ADAM9: variants seen among roughly 807,000 people sequenced by gnomAD.
The protein encoded by ADAM9 is ADAM metallopeptidase domain 9.
In ADAM9, 54 loss-of-function variants were observed where a neutral mutation model predicts 108.1. That is an observed-to-expected ratio of 0.50 (90% CI 0.40 to 0.63). ADAM9 has a LOEUF of 0.63. ADAM9 is among the 20% of genes least tolerant of loss of function. The pLI, the probability that ADAM9 is intolerant of heterozygous loss-of-function variation, is 0.00. For missense variants in ADAM9, 830 were observed against 997.7 expected, an observed-to-expected ratio of 0.83 and a Z score of 2.26; for synonymous variants, 316 against 336.0, an observed-to-expected ratio of 0.94 and a Z score of 0.65.
intron 18 of ADAM9, among the ~76,000 whole-genome samples, chr8:39,083,675 T>A (rs1839092513): frequency 6.6e-6 from 1 of 152,238 alleles, no homozygotes; most frequent in South Asian, 2.1e-4. Context: ...TAAATCTAAA[T>A]TATCATTTCC....
At chr8:39,082,257 A>G (rs1285821682) in intron 16 of ADAM9, among the ~76,000 whole-genome samples, 1 of 152,158 alleles carries the variant, frequency 6.6e-6, no homozygotes, top group African/African-American at 2.4e-5. Context: ...GAGAGGTGTA[A>G]TAGAAATAGA....
chr8:39,015,995 TAAATAAAA>T (rs1836513172), intron 4 of ADAM9, 115 bp from the exon 5 acceptor site: 1 of 866,164 alleles, frequency 1.2e-6, no homozygotes, highest in Admixed American at 2.0e-5. Flanking sequence ...GCCAATAATA[TAAATAAAA>T]CTTTGTTATT....
At chr8:39,045,578 A>G (rs1837740360) in intron 12 of ADAM9, among the ~76,000 whole-genome samples, 1 of 150,920 alleles carries the variant, frequency 6.6e-6, no homozygotes, top group Non-Finnish European at 1.5e-5. Flanking sequence ...GTGTATATAT[A>G]TATATATATA....
Position 39,045,361 on chromosome 8 carries a change from TAG to T in ADAM9, c.1302+3245_1302+3246del, listed in dbSNP as rs1170110389. Among the ~76,000 whole-genome samples the T allele has an allele frequency of 2.9e-3, 319 of 110,402 alleles. 12 individuals carry two copies. Among genetic ancestry groups the T allele is most frequent in the Non-Finnish European group, 4.7e-3 (231 of 48,704 alleles). 72.4% of individuals were successfully genotyped at this position (110,402 alleles called of 152,430 possible). Reference sequence around the variant, plus strand: ...ACCTATACATGTGTGTACATACATATAGGTGTGTGTACATACACCTATAGGTG... The same window carrying T: ...ACCTATACATGTGTGTACATACATATGTGTGTGTACATACACCTATAGGTG... On this transcript the variant is annotated intron_variant, in intron 12 of 21. Coordinates refer to ENST00000487273, the MANE Select transcript of ADAM9 (RefSeq NM_003816.3).
At chr8:39,067,926 C>G (rs1396082888) in intron 14 of ADAM9, among the ~76,000 whole-genome samples, 2 of 152,066 alleles carry the variant, frequency 1.3e-5, no homozygotes, top group African/African-American at 2.4e-5. Flanking sequence ...CCCATCAATA[C>G]CTAATGTATT....
chr8:39,082,793 G>A (rs1839063753), intron 17 of ADAM9, 72 bp downstream of exon 17: 3 of 1,416,366 alleles, frequency 2.1e-6, no homozygotes, highest in Admixed American at 1.7e-5. Context: ...GACTAGATGA[G>A]AGTTCCCAGG....
Position 39,045,373 on chromosome 8 carries a change from CAT to C in ADAM9, c.1302+3258_1302+3259del, listed in dbSNP as rs1285998332. On this transcript the variant is annotated intron_variant, in intron 12 of 21. Coordinates refer to ENST00000487273, the MANE Select transcript of ADAM9 (RefSeq NM_003816.3). The stretch of plus-strand genomic sequence containing the variant: ...GTGTACATACATATAGGTGTGTGTA[CAT>C]ACACCTATAGGTGTGTGTACACACA... 1.5e-4 allele frequency among the ~76,000 whole-genome samples: 17 copies of C among 113,588 alleles called. 2 individuals carry two copies. The highest frequency in any genetic ancestry group is 9.6e-4 in the East Asian group (4 of 4,186). The allele number at this position is 113,588 out of a possible 152,430, so 74.5% of individuals were successfully genotyped here. A position where few individuals can be genotyped will look rare whatever the true frequency, so the allele number is the denominator to read the frequency against.
intron 18 of ADAM9, among the ~76,000 whole-genome samples, chr8:39,085,750 G>C (rs958872004): frequency 3.3e-5 from 5 of 152,028 alleles, no homozygotes; most frequent in African/African-American, 4.8e-5. Flanking sequence ...CTGGTCACTT[G>C]TAATGTTTTG....
rs116524885 is a variant in ADAM9, at chr8:39,090,725, C to T, written c.2211-534C>T. 8.2e-3 allele frequency among the ~76,000 whole-genome samples: 1,247 copies of T among 152,294 alleles called. 19 individuals carry two copies. The highest frequency in any genetic ancestry group is 0.029 in the African/African-American group (1,190 of 41,562). ...CTGATAGAGGACTAAGTAGATACTT[C>T]GTATCATACTTCCAACTGACCAGTC... On this transcript the variant is annotated intron_variant, in intron 19 of 21. Transcript: ENST00000487273.
At chr8:39,026,610 T>A in intron 10 of ADAM9, 67 bp from the exon 11 acceptor site, 1 of 1,607,646 alleles carries the variant, frequency 6.2e-7, no homozygotes, top group South Asian at 1.1e-5. Context: ...TGTGAAAAAA[T>A]AATCTGAGCA....
At position 39,100,081 on chromosome 8, in the gene ADAM9, C is replaced by T. The variant is rs527980673; in HGVS notation, c.2299-1782C>T. The stretch of plus-strand genomic sequence containing the variant: ...AGAGACGGGGTTTTGCCATGTTGGC[C>T]AGGCTGGTCTTGAACTCCTGACCTC... On this transcript the variant is annotated intron_variant, in intron 20 of 21. Coordinates refer to ENST00000487273, the MANE Select transcript of ADAM9 (RefSeq NM_003816.3). Among the ~76,000 whole-genome samples the T allele has an allele frequency of 1.4e-3, 216 of 151,742 alleles. 10 individuals are homozygous for T. In the South Asian group the frequency reaches 0.043, roughly 30 times the overall value.
intron 14 of ADAM9, among the ~76,000 whole-genome samples, chr8:39,068,119 CTTTG>C (rs772047788): frequency 6.6e-6 from 1 of 151,822 alleles, no homozygotes; most frequent in Non-Finnish European, 1.5e-5. Flanking sequence ...TACCTTTTTT[CTTTG>C]TTTGAGTTTC....
chr8:39,065,346 C>T (rs1265540832), intron 14 of ADAM9, among the ~76,000 whole-genome samples: 1 of 151,626 alleles, frequency 6.6e-6, no homozygotes, highest in Non-Finnish European at 1.5e-5. Context: ...TTTTTTCCCA[C>T]TTATTTTTAA....
chr8:39,018,440 G>GC lies in ADAM9; in HGVS notation c.607-412dup, dbSNP rs756296610. Reference sequence around the variant, plus strand: ...GTGGATATGTTTTCTTTATCTCTCAGCATAGTAATGGGCTTTTTCATTAAA... The same window carrying GC: ...GTGGATATGTTTTCTTTATCTCTCAGCCATAGTAATGGGCTTTTTCATTAAA... On this transcript the variant is annotated intron_variant, in intron 6 of 21. Coordinates refer to ENST00000487273, the MANE Select transcript of ADAM9 (RefSeq NM_003816.3). Among the ~76,000 whole-genome samples, 36 of 152,084 alleles carry GC rather than the reference G, an allele frequency of 2.4e-4. 1 individual carries two copies. Among genetic ancestry groups the GC allele is most frequent in the Non-Finnish European group, 4.6e-4 (31 of 68,000 alleles).
At chr8:39,043,950 A>G (rs904332987) in intron 12 of ADAM9, among the ~76,000 whole-genome samples, 1 of 152,094 alleles carries the variant, frequency 6.6e-6, no homozygotes, top group Non-Finnish European at 1.5e-5. Context: ...TTAGTTTTTC[A>G]TTTTTTGCTA....
intron 6 of ADAM9, 48 bp downstream of exon 6, chr8:39,017,462 A>T (rs1836574453): frequency 1.3e-6 from 2 of 1,575,092 alleles, no homozygotes; most frequent in East Asian, 4.6e-5. Context: ...CATTTTAGAA[A>T]AATCATGTAT....
chr8:39,045,014 GTGTA>G lies in ADAM9; in HGVS notation c.1302+2901_1302+2904del, dbSNP rs1357359645. 1.7e-3 allele frequency among the ~76,000 whole-genome samples: 174 copies of G among 102,608 alleles called. 3 individuals are homozygous for G. The highest frequency in any genetic ancestry group is 5.0e-3 in the Middle Eastern group (1 of 200). 67.3% of individuals were successfully genotyped at this position (102,608 alleles called of 152,430 possible). ...TGTGTGTGCACACATACCTATGTAT[GTGTA>G]TGTGTGTGTGCATACATACATATGT... On this transcript the variant is annotated intron_variant, in intron 12 of 21. Transcript: ENST00000487273.
intron 4 of ADAM9, chr8:39,014,624 G>A (rs1836466247): frequency 1.4e-6 from 1 of 700,232 alleles, no homozygotes; most frequent in Non-Finnish European, 2.6e-6. Flanking sequence ...TTCTAGTTTT[G>A]TTTGAGTGTT....
intron 15 of ADAM9, among the ~76,000 whole-genome samples, chr8:39,072,033 A>G (rs530236375): frequency 6.6e-6 from 1 of 152,320 alleles, no homozygotes; most frequent in Admixed American, 6.5e-5. Context: ...CTAAGTCCCT[A>G]GATAAAGGTA....
Sources: allele counts gnomAD v4.1 joint callset (sites outside exome capture counted in the v4.1 genomes callset), GRCh38; gene constraint gnomAD v4.1.1; transcripts MANE v1.5; gene names NCBI Gene and HGNC (gene_info 2026-07-23, HGNC 2026-07-21).